Variants in PCDHGA5 observed in about 807,000 individuals in gnomAD.
PCDHGA5 encodes protocadherin gamma-A5.
In PCDHGA5, 36 loss-of-function variants were observed where a neutral mutation model predicts 56.7. That is an observed-to-expected ratio of 0.64 (90% confidence interval 0.49 to 0.84). The LOEUF is 0.84. Ranked by LOEUF, PCDHGA5 falls within the 40% of genes least tolerant of loss-of-function variation. The probability of loss-of-function intolerance (pLI) is 0.00; values close to 1 mark genes in which losing one functional copy is unlikely to be tolerated. For missense variants in PCDHGA5, 1,305 were observed against 1,201.5 expected (o/e 1.09, Z -1.27); for synonymous variants, 563 against 520.2 (o/e 1.08, Z -1.12).
intron 1 of PCDHGA5, chr5:141,392,978 C>T: frequency 1.9e-6 from 3 of 1,613,808 alleles, no homozygotes; most frequent in South Asian, 1.1e-5. Context: ...TGGGGCTGGA[C>T]CCCCGGAAGC....
rs753372015 is a variant in PCDHGA5 at position 141,422,180 on chromosome 5, T to C, written c.2421+55429T>C. The stretch of plus-strand genomic sequence containing the variant: ...TTTGAAAAATATAGATTCTATGAGA[T>C]GGAAATTCAAGGCCAAGATGGTGGA... On this transcript the variant is annotated intron_variant, in intron 1 of 3. Coordinates refer to ENST00000518069, the MANE Select transcript of PCDHGA5 (RefSeq NM_018918.3). 1.1e-5 allele frequency: 17 copies of C among 1,562,190 alleles called. No homozygotes were observed. In the African/African-American group the frequency reaches 1.9e-4, roughly 18 times the overall value.
chr5:141,412,209 T>G (rs917646798), intron 1 of PCDHGA5: 2 of 152,248 alleles, frequency 1.3e-5, no homozygotes. Flanking sequence ...TCATTTGACA[T>G]AAACACTTAC....
chr5:141,394,481 T>C lies in PCDHGA5; in HGVS notation c.2421+27730T>C, dbSNP rs766569646. The C allele has an allele frequency of 4.3e-6, 7 of 1,614,088 alleles. No individual in the cohort carries two copies. The East Asian group carries it at 6.7e-5, about 15-fold the overall frequency. ...TGAGCCTGTTCGTGCTGGACCAGAATGACAACGCGCCCGAGATCCTGTACC... is the reference window on the plus strand; with the variant it reads ...TGAGCCTGTTCGTGCTGGACCAGAACGACAACGCGCCCGAGATCCTGTACC... On this transcript the variant is annotated intron_variant, in intron 1 of 3. Transcript: ENST00000518069.
intron 1 of PCDHGA5, among the ~76,000 whole-genome samples, chr5:141,438,591 CAT>C (rs946798767): frequency 2.9e-3 from 219 of 75,538 alleles, no homozygotes; most frequent in Middle Eastern, 0.016. Context: ...TACATACATA[CAT>C]ATATATATAT....
At chr5:141,376,652 C>T (rs1030026607) in intron 1 of PCDHGA5, 3 of 877,708 alleles carry the variant, frequency 3.4e-6, no homozygotes, top group East Asian at 2.7e-5. Context: ...AAGTGGAAGA[C>T]TCCCTTGTTC....
chr5:141,388,430 TAAAG>T (rs2091357990), intron 1 of PCDHGA5: 1 of 1,613,634 alleles, frequency 6.2e-7, no homozygotes, highest in South Asian at 1.1e-5. Context: ...CACTGATAAA[TAAAG>T]AGAAATCAGA....
intron 2 of PCDHGA5, among the ~76,000 whole-genome samples, chr5:141,496,733 C>A (rs1221912777): frequency 6.6e-6 from 1 of 152,138 alleles, no homozygotes; most frequent in Non-Finnish European, 1.5e-5. Context: ...TGTATTCATT[C>A]GTTCATTTAT....
chr5:141,386,797 T>C (rs771279831), intron 1 of PCDHGA5, among the ~76,000 whole-genome samples: 1 of 152,124 alleles, frequency 6.6e-6, no homozygotes, highest in Non-Finnish European at 1.5e-5. Context: ...TGACCAAAAT[T>C]TATTAGATGC....
Position 141,487,306 on chromosome 5 carries a change from ACT to A in PCDHGA5, c.2422-7496_2422-7495del. 1 of 1,613,414 alleles carries A rather than the reference ACT, an allele frequency of 6.2e-7. No individual in the cohort carries two copies. The highest frequency in any genetic ancestry group is 8.5e-7 in the Non-Finnish European group (1 of 1,179,874). ...TCTCCTTTGGCTCATTCGTGGCACT[ACT>A]CTCTAAGTGTCTTCGTGGGGCAGCC... On this transcript the variant is annotated intron_variant, in intron 1 of 3. Coordinates refer to ENST00000518069, the MANE Select transcript of PCDHGA5 (RefSeq NM_018918.3). The surrounding 1 kb of genome is among the most constrained non-coding windows in gnomAD (Gnocchi z 5.0).
intron 1 of PCDHGA5, chr5:141,384,751 G>T (rs1403362361): frequency 1.2e-6 from 2 of 1,614,050 alleles, no homozygotes; most frequent in East Asian, 4.5e-5. Flanking sequence ...AGGACTCTTT[G>T]CGGTTGGGCT....
intron 1 of PCDHGA5, chr5:141,422,699 C>T: frequency 6.2e-7 from 1 of 1,603,420 alleles, no homozygotes; most frequent in Middle Eastern, 1.7e-4. Flanking sequence ...GTCACTTACT[C>T]TCTGACGGAT....
Position 141,491,965 on chromosome 5 carries a change from G to A in PCDHGA5, c.2422-2842G>A. 1 of 946,810 alleles carries A rather than the reference G, an allele frequency of 1.1e-6. No individual in the cohort carries two copies. Among genetic ancestry groups the A allele is most frequent in the Non-Finnish European group, 1.5e-6 (1 of 672,398 alleles). 58.7% of individuals were successfully genotyped at this position (946,810 alleles called of 1,614,324 possible). On this transcript the variant is annotated intron_variant, in intron 1 of 3. Coordinates refer to ENST00000518069, the MANE Select transcript of PCDHGA5 (RefSeq NM_018918.3). The surrounding 1 kb of genome is among the most constrained non-coding windows in gnomAD (Gnocchi z 6.9). ...CCCACCCCTACACTCAAAAAAGGCC[G>A]GGGCCTCCTTCGAGCTTCCGGTGAA...
chr5:141,419,939 G>C, intron 1 of PCDHGA5: 6 of 1,614,054 alleles, frequency 3.7e-6, no homozygotes, highest in Admixed American at 1.7e-5. Flanking sequence ...TTACCTGGTG[G>C]TGGCCTTGGC....
intron 1 of PCDHGA5, among the ~76,000 whole-genome samples, chr5:141,437,064 G>T (rs1380953110): frequency 6.6e-6 from 1 of 152,170 alleles, no homozygotes; most frequent in Non-Finnish European, 1.5e-5. Flanking sequence ...ATCATTATTT[G>T]GTTTGGGCCA....
intron 1 of PCDHGA5, chr5:141,382,673 A>G: frequency 2.3e-6 from 1 of 437,012 alleles, no homozygotes; most frequent in Non-Finnish European, 4.0e-6. Context: ...GCCGCTGTTC[A>G]CCAACCAGGG....
intron 1 of PCDHGA5, chr5:141,407,951 A>C: frequency 1.7e-6 from 1 of 578,566 alleles, no homozygotes; most frequent in Non-Finnish European, 2.8e-6. Context: ...GCTGTCGGCC[A>C]GTGCAGAGCA....
intron 1 of PCDHGA5, chr5:141,388,942 T>C: frequency 6.2e-7 from 1 of 1,614,004 alleles, no homozygotes; most frequent in African/African-American, 1.3e-5. Flanking sequence ...CTACCCAACC[T>C]AATTATGGAG....
At chr5:141,405,169 CTT>C (rs1561698717) in intron 1 of PCDHGA5, 2 of 1,614,122 alleles carry the variant, frequency 1.2e-6, no homozygotes, top group Non-Finnish European at 1.7e-6. Flanking sequence ...CCACCTCACA[CTT>C]TGTGGGTGTA....
chr5:141,432,934 G>T lies in PCDHGA5; in HGVS notation c.2422-61873G>T, dbSNP rs377666802. 1.2e-6 allele frequency: 2 copies of T among 1,614,078 alleles called. No individual in the cohort carries two copies. The highest frequency in any genetic ancestry group is 1.3e-5 in the African/African-American group (1 of 74,940). On this transcript the variant is annotated intron_variant, in intron 1 of 3. Coordinates refer to ENST00000518069, the MANE Select transcript of PCDHGA5 (RefSeq NM_018918.3). This position sits in a 1 kb window ranked among gnomAD's most constrained non-coding sequence, Gnocchi z 6.0. ...GGCGCTGGCACAAGTCACGCCTGCT[G>T]CAGGCTTCAGGAGGCGGCTTGACAG...
Sources: allele counts gnomAD v4.1 joint callset (sites outside exome capture counted in the v4.1 genomes callset), GRCh38; gene constraint gnomAD v4.1.1; non-coding constraint Gnocchi (gnomAD v3.1); transcripts MANE v1.5; gene names NCBI Gene and HGNC (gene_info 2026-07-23, HGNC 2026-07-21).